The following MAOB variants were observed in gnomAD, a reference collection of about 807,000 sequenced individuals.
MAOB encodes amine oxidase [flavin-containing] B.
In MAOB, 15 loss-of-function variants were observed where a neutral mutation model predicts 41.9. The ratio of observed to expected loss-of-function variants is 0.36; its 90% CI spans 0.24 to 0.55. The LOEUF (loss-of-function observed/expected upper bound fraction) is 0.55. Ranked by LOEUF, MAOB falls within the 20% of genes least tolerant of loss-of-function variation. MAOB has a pLI of 0.86. For missense variants in MAOB, 345 were observed against 398.7 expected, an observed-to-expected ratio of 0.87 and a Z score of 1.15; for synonymous variants, 167 against 144.2, an observed-to-expected ratio of 1.16 and a Z score of -1.13.
At chrX:43,774,180 C>T (rs1172788126) in intron 12 of MAOB, among the ~76,000 whole-genome samples, 1 of 111,899 alleles carries the variant, frequency 8.9e-6, no homozygotes, top group Non-Finnish European at 1.9e-5. Context: ...ACTCACTAGT[C>T]TACATTTCTC....
chrX:43,831,081 G>A (rs1172687118), intron 3 of MAOB, among the ~76,000 whole-genome samples: 3 of 109,866 alleles, frequency 2.7e-5, no homozygotes, highest in Non-Finnish European at 5.7e-5. Context: ...ACCAGGATAA[G>A]GGCCTTTGAG....
At chrX:43,769,970 C>T (rs2034160865) in intron 12 of MAOB, among the ~76,000 whole-genome samples, 1 of 111,333 alleles carries the variant, frequency 9.0e-6, no homozygotes, top group Admixed American at 9.5e-5. Context: ...CTGGTGAGGT[C>T]GGTACTATTA....
At chrX:43,780,205 C>T in intron 10 of MAOB, 137 bp downstream of exon 10, 4 of 492,396 alleles carry the variant, frequency 8.1e-6, no homozygotes, top group South Asian at 3.5e-5. Flanking sequence ...TTAGGCAGTC[C>T]GTAAGTTAAA....
Position 43,775,145 on chromosome X carries a change from C to T in MAOB, c.1235+30G>A, listed in dbSNP as rs12390352. The T allele has an allele frequency of 3.3e-3, 3,529 of 1,074,055 alleles. 93 individuals carry two copies. In the African/African-American group the frequency reaches 0.064, roughly 19 times the overall value. 88.5% of individuals were successfully genotyped at this position (1,074,055 alleles called of 1,213,427 possible). A position where few individuals can be genotyped will look rare whatever the true frequency, so the allele number is the denominator to read the frequency against. On this transcript the variant is annotated intron_variant, in intron 12 of 14. Transcript: ENST00000378069. Reference sequence around the variant, plus strand: ...TTTTGGATTCAGGTGCAGGGGATTTCTGTAACAGCTTAGCATGCTTTTACT... The same window carrying T: ...TTTTGGATTCAGGTGCAGGGGATTTTTGTAACAGCTTAGCATGCTTTTACT...
intron 3 of MAOB, among the ~76,000 whole-genome samples, chrX:43,819,490 C>T (rs763129528): frequency 9.0e-6 from 1 of 111,579 alleles, no homozygotes; most frequent in East Asian, 2.8e-4. Flanking sequence ...TTCCTCTGGC[C>T]ACCCCTGCCT....
At chrX:43,804,842 C>A (rs1255519647) in intron 3 of MAOB, among the ~76,000 whole-genome samples, 1 of 111,768 alleles carries the variant, frequency 8.9e-6, no homozygotes, top group African/African-American at 3.3e-5. Context: ...TAAATGTTAA[C>A]CTTATCTTAA....
At chrX:43,781,682 C>A (rs1213158962) in intron 8 of MAOB, 138 bp from the exon 9 acceptor site, 3 of 341,733 alleles carry the variant, frequency 8.8e-6, no homozygotes, top group Non-Finnish European at 1.5e-5. Flanking sequence ...CATATGAAGG[C>A]AAACCAAACT....
At chrX:43,826,661 C>T (rs1258708893) in intron 3 of MAOB, among the ~76,000 whole-genome samples, 4 of 111,715 alleles carry the variant, frequency 3.6e-5, no homozygotes, top group African/African-American at 1.3e-4. Flanking sequence ...GGCATCATAA[C>T]GTGGTGGAAG....
chrX:43,794,509 T>G (rs2034503650), intron 7 of MAOB, among the ~76,000 whole-genome samples: 1 of 110,442 alleles, frequency 9.1e-6, no homozygotes, highest in Non-Finnish European at 1.9e-5. Flanking sequence ...GAAGGAGAAT[T>G]GTATGTGGGC....
At chrX:43,800,940 T>G (rs1258856614) in intron 5 of MAOB, among the ~76,000 whole-genome samples, 6 of 111,024 alleles carry the variant, frequency 5.4e-5, no homozygotes, top group Non-Finnish European at 1.1e-4. Flanking sequence ...TCATTAAATA[T>G]TCCTCTACAA....
Position 43,775,162 on chromosome X carries a change from G to T in MAOB, c.1235+13C>A. ...GGGGATTTCTGTAACAGCTTAGCAT[G>T]CTTTTACTCTACCTTCCATATTGAG... On this transcript the variant is annotated intron_variant, in intron 12 of 14. Coordinates refer to ENST00000378069, the MANE Select transcript of MAOB (RefSeq NM_000898.5). 1 of 1,158,814 alleles carries T rather than the reference G, an allele frequency of 8.6e-7. No homozygotes were observed. The highest frequency in any genetic ancestry group is 1.1e-6 in the Non-Finnish European group (1 of 870,904).
chrX:43,879,237 A>C (rs1330103201), intron 1 of MAOB, among the ~76,000 whole-genome samples: 2 of 112,022 alleles, frequency 1.8e-5, no homozygotes, highest in Non-Finnish European at 3.8e-5. Context: ...ACTATCTTGG[A>C]ACTTTTAAAA....
At position 43,769,303 on chromosome X, in the gene MAOB, C is replaced by T; in HGVS notation, c.1347+4G>A. The T allele has an allele frequency of 3.3e-6, 4 of 1,201,988 alleles. No homozygotes were observed. Among genetic ancestry groups the T allele is most frequent in the Non-Finnish European group, 4.5e-6 (4 of 891,644 alleles). ...TCCCCATAATCTATGACCCCAGACC[C>T]TACCTCTCGGGCTGCTCTCTCCCCG... On this transcript the variant is annotated splice_donor_region_variant and intron_variant, in intron 13 of 14. Coordinates refer to ENST00000378069, the MANE Select transcript of MAOB (RefSeq NM_000898.5).
At chrX:43,777,340 C>G (rs899612974) in intron 11 of MAOB, among the ~76,000 whole-genome samples, 8 of 110,816 alleles carry the variant, frequency 7.2e-5, no homozygotes, top group Non-Finnish European at 1.5e-4. Context: ...TATCCTTGAG[C>G]CTGGAGGCTA....
Position 43,882,237 on chromosome X carries a change from G to T in MAOB, c.46+17C>A. The T allele has an allele frequency of 8.3e-7, 1 of 1,207,836 alleles. No homozygotes were observed. Among genetic ancestry groups the T allele is most frequent in the Non-Finnish European group, 1.1e-6 (1 of 893,954 alleles). ...CGAGCGCGTGAAGAGGAAGGAGGGC[G>T]CACAGCCGCGACTAACCTGAGATGC... On this transcript the variant is annotated intron_variant, in intron 1 of 14. Transcript: ENST00000378069.
At chrX:43,872,172 T>C (rs2035412468) in intron 1 of MAOB, among the ~76,000 whole-genome samples, 1 of 112,051 alleles carries the variant, frequency 8.9e-6, no homozygotes, top group South Asian at 3.7e-4. Flanking sequence ...AAAAGTACTA[T>C]AAAAGTATAT....
At position 43,802,274 on chromosome X, in the gene MAOB, A is replaced by G. The variant is rs755373380; in HGVS notation, c.385-11T>C. 8.2e-6 allele frequency: 9 copies of G among 1,094,246 alleles called. No homozygotes were observed. The highest frequency in any genetic ancestry group is 5.0e-4 in the Middle Eastern group (2 of 4,040). 90.2% of individuals were successfully genotyped at this position (1,094,246 alleles called of 1,213,427 possible). On this transcript the variant is annotated splice_polypyrimidine_tract_variant and intron_variant, in intron 4 of 14. Coordinates refer to ENST00000378069, the MANE Select transcript of MAOB (RefSeq NM_000898.5). The stretch of plus-strand genomic sequence containing the variant: ...GGCATCACTCGGAATCTACATTCAG[A>G]TGAGGATTCGAAGGAGAAAGACAAA...
intron 8 of MAOB, among the ~76,000 whole-genome samples, chrX:43,783,787 T>G (rs2034366224): frequency 8.9e-6 from 1 of 111,823 alleles, no homozygotes; most frequent in Admixed American, 9.5e-5. Flanking sequence ...ATTGACTCCT[T>G]TTTTTATGAA....
intron 5 of MAOB, among the ~76,000 whole-genome samples, chrX:43,797,559 A>G (rs1019608564): frequency 8.9e-6 from 1 of 111,949 alleles, no homozygotes; most frequent in African/African-American, 3.3e-5. Flanking sequence ...TCCCCATCTC[A>G]GTAAAAAGCA....
Sources: gnomAD v4.1 joint callset for allele counts (sites outside exome capture counted in the v4.1 genomes callset) on GRCh38, gnomAD v4.1.1 for gene constraint, MANE v1.5 for transcripts, NCBI Gene and HGNC (gene_info 2026-07-23, HGNC 2026-07-21) for gene names.